ABCC11: variants seen among roughly 807,000 people sequenced by gnomAD.
ABCC11 encodes the protein ATP binding cassette subfamily C member 11, also known as ATP-binding cassette sub-family C member 11.
Under a neutral mutation model 149.3 loss-of-function variants are expected in ABCC11, and 135 were observed. That is an observed-to-expected ratio of 0.90 (90% confidence interval 0.79 to 1.04). The LOEUF (loss-of-function observed/expected upper bound fraction) is 1.04, where lower values mean the gene tolerates loss of function less well. Among genes scored for constraint, ABCC11 ranks in the 50% least tolerant of loss-of-function variants. ABCC11 has a pLI of 0.00. For synonymous variants in ABCC11, 665 were observed against 671.4 expected (o/e 0.99, Z 0.15); for missense variants, 1,680 against 1,722.1 (o/e 0.98, Z 0.43).
intron 22 of ABCC11, among the ~76,000 whole-genome samples, chr16:48,185,777 T>C (rs1389476643): frequency 6.6e-6 from 1 of 152,036 alleles, no homozygotes; most frequent in African/African-American, 2.4e-5. Flanking sequence ...ACTGATTGAG[T>C]CACCTCCACC....
intron 23 of ABCC11, 152 bp downstream of exon 23, chr16:48,184,288 T>C: frequency 1.1e-6 from 1 of 939,494 alleles, no homozygotes; most frequent in Non-Finnish European, 1.5e-6. Context: ...AAAGTACCAA[T>C]TTCAGAAGGC....
In ABCC11 at chr16:48,227,833, T is replaced by G. The variant is rs1272930454; in HGVS notation, c.368A>C (p.His123Pro). The change falls in exon 4 of 30, where the codon CAT becomes CCT. Residue 123 changes from histidine (H) to proline (P), a missense_variant. Physicochemically the swap from His to Pro is moderately conservative, Grantham distance 77. Coordinates refer to ENST00000356608, the MANE Select transcript of ABCC11 (RefSeq NM_001370497.1). ...DENTIPPLSV[H>P]DASDKNVQRL... ...TTGGACATTTTTGTCTGAGGCATCA[T>G]GGACTGACAGTGGAGGGATGGTGTT... 1 of 1,613,490 alleles carries G rather than the reference T, an allele frequency of 6.2e-7. No individual in the cohort carries two copies. The highest frequency in any genetic ancestry group is 2.2e-5 in the East Asian group (1 of 44,812).
intron 28 of ABCC11, among the ~76,000 whole-genome samples, chr16:48,167,996 AG>A (rs1426541472): frequency 6.6e-6 from 1 of 152,232 alleles, no homozygotes; most frequent in East Asian, 1.9e-4. Context: ...TTCTCCAAGA[AG>A]GGGCAGGCAC....
intron 20 of ABCC11, among the ~76,000 whole-genome samples, chr16:48,190,636 A>G (rs1318575905): frequency 6.6e-6 from 1 of 152,200 alleles, no homozygotes; most frequent in African/African-American, 2.4e-5. Context: ...AAATGCTGGG[A>G]TTCCAGGCGT....
chr16:48,195,079 C>T (rs931056171), intron 18 of ABCC11, among the ~76,000 whole-genome samples: 3 of 152,162 alleles, frequency 2.0e-5, no homozygotes, highest in African/African-American at 4.8e-5. Flanking sequence ...TCACATGTCC[C>T]GTGCCCACAG....
At chr16:48,217,947 G>A (rs920410734) in intron 6 of ABCC11, among the ~76,000 whole-genome samples, 2 of 152,144 alleles carry the variant, frequency 1.3e-5, no homozygotes, top group Non-Finnish European at 2.9e-5. Context: ...TTACAGCACT[G>A]CTTACACCAG....
intron 12 of ABCC11, among the ~76,000 whole-genome samples, 189 bp from the exon 13 acceptor site, chr16:48,205,726 T>G (rs765939283): frequency 6.6e-6 from 1 of 151,868 alleles, no homozygotes; most frequent in African/African-American, 2.4e-5. Flanking sequence ...TGAGAACATG[T>G]GGAAGCAGCT....
intron 17 of ABCC11, among the ~76,000 whole-genome samples, chr16:48,197,462 G>A (rs1967536171): frequency 6.6e-6 from 1 of 152,216 alleles, no homozygotes; most frequent in South Asian, 2.1e-4. Flanking sequence ...AGGTCACACA[G>A]CTTTGTAAGC....
chr16:48,182,214 GTACA>G (rs1966480647), intron 23 of ABCC11, among the ~76,000 whole-genome samples: 1 of 152,210 alleles, frequency 6.6e-6, no homozygotes, highest in Admixed American at 6.5e-5. Context: ...ATGCACTCCA[GTACA>G]TACATGTGCT....
rs761021001 is a variant in ABCC11, at chr16:48,187,041, G to A, written c.2983C>T (p.Arg995Trp). 60 of 1,614,004 alleles carry A rather than the reference G, an allele frequency of 3.7e-5. No individual in the cohort carries two copies. Among genetic ancestry groups the A allele is most frequent in the South Asian group, 2.3e-4 (21 of 91,082 alleles). The stretch of plus-strand genomic sequence containing the variant: ...AGGATGTGGGAGAATAAAGGAGACC[G>A]GCTATAGTTCTCCAGTCTCTTGAAC... ...GVFKRLENYSRSPLFSHILNS... is the reference protein window; with the variant it reads ...GVFKRLENYSWSPLFSHILNS... Residue 995 changes from arginine (R) to tryptophan (W), a missense_variant, in exon 22 of 30, where the codon CGG becomes TGG. Arg to Trp is a moderately radical substitution (Grantham distance 101). Transcript: ENST00000356608.
Position 48,227,949 on chromosome 16 carries a change from C to T in ABCC11, c.252G>A (p.Gln84=). 6.2e-7 allele frequency: 1 copy of T among 1,612,446 alleles called. No individual in the cohort carries two copies. Among genetic ancestry groups the T allele is most frequent in the African/African-American group, 1.3e-5 (1 of 74,896 alleles). Residue 84 remains glutamine, a synonymous_variant, in exon 4 of 30, where the codon CAG becomes CAA. Transcript: ENST00000356608. ...AGAACAGGCCAGCATTGTCCAGGGG[C>T]TGGGGGGCAGGAAACCTAGTAGAGG... The part of the protein sequence containing the change: ...FRPKPRFPAP[Q]PLDNAGLFSY...
At chr16:48,205,576 C>T (rs1968368852) in intron 12 of ABCC11, 39 bp from the exon 13 acceptor site, 1 of 1,607,860 alleles carries the variant, frequency 6.2e-7, no homozygotes, top group Non-Finnish European at 8.5e-7. Context: ...CCAATTGGGC[C>T]AAGGGACAGA....
At chr16:48,187,668 C>A (rs17743708) in intron 20 of ABCC11, among the ~76,000 whole-genome samples, 10,830 of 152,080 alleles carry the variant, frequency 0.071, 515 homozygotes, top group Middle Eastern at 0.11. Context: ...TCCTCGTTAG[C>A]GAAATGGGAA....
intron 20 of ABCC11, among the ~76,000 whole-genome samples, chr16:48,188,224 A>G (rs1005023955): frequency 6.6e-6 from 1 of 152,212 alleles, no homozygotes; most frequent in African/African-American, 2.4e-5. Context: ...CCAGAACTGC[A>G]ACAGTGACAC....
At chr16:48,168,552 G>C (rs143768336) in intron 28 of ABCC11, among the ~76,000 whole-genome samples, 53 of 152,298 alleles carry the variant, frequency 3.5e-4, no homozygotes, top group African/African-American at 1.2e-3. Context: ...GCATGCATAA[G>C]TATGTGTGTA....
intron 13 of ABCC11, among the ~76,000 whole-genome samples, chr16:48,203,963 G>C (rs1968223257): frequency 6.6e-6 from 1 of 152,204 alleles, no homozygotes; most frequent in Non-Finnish European, 1.5e-5. Context: ...TGCATGTATA[G>C]GTTATTATTG....
rs545865894 is a variant in ABCC11, at chr16:48,170,222, C to T, written c.3778-4G>A. On this transcript the variant is annotated splice_region_variant and splice_polypyrimidine_tract_variant and intron_variant, in intron 27 of 29. Transcript: ENST00000356608. Reference sequence around the variant, plus strand: ...GCTTTTTGGGGAACTTTGAGATCTGCGATATGGGAAGAAGAGACAACATAA... The same window carrying T: ...GCTTTTTGGGGAACTTTGAGATCTGTGATATGGGAAGAAGAGACAACATAA... The T allele has an allele frequency of 6.0e-5, 96 of 1,608,894 alleles. No individual in the cohort carries two copies. The highest frequency in any genetic ancestry group is 5.9e-4 in the South Asian group (54 of 90,970).
At chr16:48,171,967 C>A (rs1418217088) in intron 26 of ABCC11, among the ~76,000 whole-genome samples, 2 of 152,060 alleles carry the variant, frequency 1.3e-5, no homozygotes, top group African/African-American at 4.8e-5. Flanking sequence ...GGTCTCAGAA[C>A]AAAACAAAAC....
intron 1 of ABCC11, among the ~76,000 whole-genome samples, chr16:48,243,401 CAAA>C (rs541776018): frequency 0.092 from 6,645 of 72,472 alleles, 146 homozygotes; most frequent in Middle Eastern, 0.18. Context: ...GACTCCGTCT[CAAA>C]AAAAAAAAAA....
Sources: gnomAD v4.1 joint callset for allele counts (sites outside exome capture counted in the v4.1 genomes callset) on GRCh38, gnomAD v4.1.1 for gene constraint, MANE v1.5 for transcripts, NCBI Gene and HGNC (gene_info 2026-07-23, HGNC 2026-07-21) for gene names.